Variants in NCOA2 observed in about 807,000 individuals in gnomAD.
NCOA2 encodes the protein nuclear receptor coactivator 2.
NCOA2 carries 21 observed loss-of-function variants against 145.1 expected under a neutral mutation model. That is an observed-to-expected ratio of 0.14 (90% CI 0.10 to 0.21). NCOA2 has a LOEUF of 0.21. Among genes scored for constraint, NCOA2 ranks in the 10% least tolerant of loss-of-function variants. NCOA2 has a pLI of 1.00. For synonymous variants in NCOA2, 619 were observed against 637.5 expected, an observed-to-expected ratio of 0.97 and a Z score of 0.44; for missense variants, 1,472 against 1,837.6, an observed-to-expected ratio of 0.80 and a Z score of 3.64.
intron 4 of NCOA2, among the ~76,000 whole-genome samples, chr8:70,199,142 T>C (rs1255494874): frequency 6.6e-6 from 1 of 151,954 alleles, no homozygotes; most frequent in Non-Finnish European, 1.5e-5. Context: ...AGGATGAATG[T>C]GGTACAGCTC....
At chr8:70,440,802 A>C in the NCOA2 span, among the ~76,000 whole-genome samples, 1 of 151,636 alleles carries the variant, frequency 6.6e-6, no homozygotes, top group Non-Finnish European at 1.5e-5. Context: ...AAAAAGAAAT[A>C]AAGACAAGAA....
chr8:70,251,337 A>G lies in NCOA2; in HGVS notation c.-19-34573T>C, dbSNP rs574397855. Among the ~76,000 whole-genome samples the G allele has an allele frequency of 4.1e-4, 62 of 152,358 alleles. 1 individual carries two copies. The highest frequency in any genetic ancestry group is 1.4e-3 in the African/African-American group (60 of 41,582). On this transcript the variant is annotated intron_variant, in intron 2 of 22. Coordinates refer to ENST00000452400, the MANE Select transcript of NCOA2 (RefSeq NM_006540.4). Reference sequence around the variant, plus strand: ...AAAGAGGGCTGAGGAGAAGGACTATAGAGTGCAATCACTTCTAAATACGAC... The same window carrying G: ...AAAGAGGGCTGAGGAGAAGGACTATGGAGTGCAATCACTTCTAAATACGAC...
At chr8:70,188,198 TA>T (rs1816290097) in intron 4 of NCOA2, among the ~76,000 whole-genome samples, 1 of 152,250 alleles carries the variant, frequency 6.6e-6, no homozygotes. Flanking sequence ...GCTTCTCAAA[TA>T]AACTGAATAC....
At chr8:70,383,920 T>C (rs980603978) in intron 1 of NCOA2, among the ~76,000 whole-genome samples, 1 of 152,236 alleles carries the variant, frequency 6.6e-6, no homozygotes, top group Non-Finnish European at 1.5e-5. Flanking sequence ...GGTAACTGTA[T>C]CTAAATATCT....
chr8:70,444,465 G>A, the NCOA2 span, among the ~76,000 whole-genome samples: 8 of 152,170 alleles, frequency 5.3e-5, no homozygotes, highest in South Asian at 8.3e-4. Context: ...TGAAAATATC[G>A]CATAGAACTG....
chr8:70,153,356 A>G (rs1585862188), intron 11 of NCOA2, among the ~76,000 whole-genome samples: 1 of 152,244 alleles, frequency 6.6e-6, no homozygotes, highest in South Asian at 2.1e-4. Context: ...TTTTTATCAG[A>G]AAAACATTTC....
At chr8:70,381,068 T>C (rs1208655996) in intron 1 of NCOA2, among the ~76,000 whole-genome samples, 1 of 147,062 alleles carries the variant, frequency 6.8e-6, no homozygotes, top group Non-Finnish European at 1.5e-5. Flanking sequence ...CAAGACACTG[T>C]CTCAAAAAAA....
chr8:70,340,486 A>C (rs1182083313), intron 1 of NCOA2, among the ~76,000 whole-genome samples: 1 of 152,208 alleles, frequency 6.6e-6, no homozygotes, highest in African/African-American at 2.4e-5. Flanking sequence ...ATGCTTTTAC[A>C]CTACCGGTGG....
chr8:70,322,719 T>C (rs1232309427), intron 1 of NCOA2, among the ~76,000 whole-genome samples: 1 of 152,198 alleles, frequency 6.6e-6, no homozygotes, highest in Non-Finnish European at 1.5e-5. Context: ...GTTAAGTTTT[T>C]AACAGAACAA....
chr8:70,133,852 C>T (rs1204019266), intron 15 of NCOA2, among the ~76,000 whole-genome samples: 1 of 152,214 alleles, frequency 6.6e-6, no homozygotes, highest in Non-Finnish European at 1.5e-5. Context: ...CAATTAATTT[C>T]AAATGTTCAT....
intron 1 of NCOA2, among the ~76,000 whole-genome samples, chr8:70,321,454 C>T (rs1182771990): frequency 6.6e-6 from 1 of 151,688 alleles, no homozygotes; most frequent in Non-Finnish European, 1.5e-5. Context: ...GCTTCCATGC[C>T]CAGCCAATAT....
the NCOA2 span, among the ~76,000 whole-genome samples, chr8:70,412,232 C>T: frequency 6.6e-6 from 1 of 151,928 alleles, no homozygotes; most frequent in Non-Finnish European, 1.5e-5. Flanking sequence ...TATGATCACA[C>T]CACTGTACTC....
chr8:70,187,394 T>TA (rs1816196741), intron 4 of NCOA2, among the ~76,000 whole-genome samples: 1 of 152,244 alleles, frequency 6.6e-6, no homozygotes, highest in Admixed American at 6.5e-5. Flanking sequence ...CTCAGTAATT[T>TA]AGTAATTCCC....
intron 2 of NCOA2, among the ~76,000 whole-genome samples, chr8:70,264,610 C>T (rs1455411346): frequency 1.3e-5 from 2 of 152,136 alleles, no homozygotes; most frequent in Non-Finnish European, 2.9e-5. Flanking sequence ...TCACATACAA[C>T]CCAGTCTAGG....
chr8:70,248,860 C>A (rs1822848940), intron 2 of NCOA2, among the ~76,000 whole-genome samples: 1 of 151,122 alleles, frequency 6.6e-6, no homozygotes, highest in African/African-American at 2.4e-5. Flanking sequence ...CAGAGGGTGA[C>A]TGTATAGTAA....
At chr8:70,219,105 T>G (rs1293989001) in intron 2 of NCOA2, among the ~76,000 whole-genome samples, 6 of 152,144 alleles carry the variant, frequency 3.9e-5, no homozygotes, top group African/African-American at 9.7e-5. Context: ...TTGTAACATA[T>G]GAGGGACAGC....
At chr8:70,288,636 A>G (rs1826428555) in intron 2 of NCOA2, among the ~76,000 whole-genome samples, 1 of 152,164 alleles carries the variant, frequency 6.6e-6, no homozygotes, top group Non-Finnish European at 1.5e-5. Context: ...GGAAATAGAT[A>G]AACACAGGGC....
chr8:70,319,240 T>C (rs1449324823), intron 1 of NCOA2, among the ~76,000 whole-genome samples: 2 of 152,040 alleles, frequency 1.3e-5, no homozygotes, highest in Non-Finnish European at 2.9e-5. Flanking sequence ...GTTTCTGAAA[T>C]TTATAAAGAG....
At chr8:70,262,200 A>G (rs1163139857) in intron 2 of NCOA2, among the ~76,000 whole-genome samples, 3 of 152,200 alleles carry the variant, frequency 2.0e-5, no homozygotes, top group Admixed American at 2.0e-4. Flanking sequence ...TATCTCCTTT[A>G]ACAACATCCC....
Sources: gnomAD v4.1 joint callset for allele counts (sites outside exome capture counted in the v4.1 genomes callset) on GRCh38, gnomAD v4.1.1 for gene constraint, MANE v1.5 for transcripts, NCBI Gene and HGNC (gene_info 2026-07-23, HGNC 2026-07-21) for gene names.